Variants in UGT1A10 observed in about 807,000 individuals in gnomAD.
UGT1A10 encodes the protein UDP glucuronosyltransferase family 1 member A10.
In UGT1A10, 49 loss-of-function variants were observed where a neutral mutation model predicts 45.8. The observed-to-expected ratio is 1.07, with a 90% confidence interval of 0.85 to 1.36. UGT1A10 has a LOEUF of 1.36. Among genes scored for constraint, UGT1A10 ranks in the 40% most tolerant of loss-of-function variants. The pLI is 0.00. For missense variants in UGT1A10, 745 were observed against 668.6 expected (o/e 1.11, Z -1.26); for synonymous variants, 284 against 249.7 (o/e 1.14, Z -1.29).
chr2:233,760,044 T>C (rs183598295), intron 1 of UGT1A10, among the ~76,000 whole-genome samples: 36 of 152,234 alleles, frequency 2.4e-4, no homozygotes, highest in East Asian at 9.6e-4. Context: ...CTTTGCTGTG[T>C]TCACTCAAGA....
intron 1 of UGT1A10, among the ~76,000 whole-genome samples, chr2:233,722,679 C>T (rs2125688631): frequency 6.6e-6 from 1 of 152,152 alleles, no homozygotes; most frequent in African/African-American, 2.4e-5. Flanking sequence ...GTAAAAATTG[C>T]TGTTCTTTTC....
chr2:233,648,802 A>C, intron 1 of UGT1A10: 1 of 948,774 alleles, frequency 1.1e-6, no homozygotes, highest in Non-Finnish European at 1.6e-6. Context: ...AAGGAACCAC[A>C]TCTTCTACTT....
intron 1 of UGT1A10, among the ~76,000 whole-genome samples, chr2:233,725,890 G>A (rs2077482116): frequency 6.6e-6 from 1 of 152,164 alleles, no homozygotes; most frequent in Admixed American, 6.5e-5. Context: ...TTTGTAGGCA[G>A]GTGGGTGGCT....
intron 1 of UGT1A10, among the ~76,000 whole-genome samples, chr2:233,765,711 T>TTAATAA (rs10664358): frequency 0.086 from 12,799 of 149,198 alleles, 827 homozygotes; most frequent in East Asian, 0.2. Flanking sequence ...ATAATAATAA[T>TTAATAA]TAATAATAAT....
chr2:233,743,059 A>T (rs1424842143), intron 1 of UGT1A10: 1 of 324,044 alleles, frequency 3.1e-6, no homozygotes, highest in Non-Finnish European at 6.0e-6. Context: ...CCCAACGATA[A>T]GAACAGGTGT....
At chr2:233,718,857 G>A (rs1210101221) in intron 1 of UGT1A10, 8 of 1,613,658 alleles carry the variant, frequency 5.0e-6, no homozygotes, top group Non-Finnish European at 6.8e-6. Flanking sequence ...GCCGCGGCTG[G>A]CCACAGGACT....
chr2:233,687,881 C>A (rs934476271), intron 1 of UGT1A10, among the ~76,000 whole-genome samples: 2 of 152,110 alleles, frequency 1.3e-5, no homozygotes, highest in African/African-American at 2.4e-5. Context: ...CCACTCCAGC[C>A]TGGGTGATAG....
chr2:233,699,544 A>C (rs1031382585), intron 1 of UGT1A10, among the ~76,000 whole-genome samples: 9 of 152,228 alleles, frequency 5.9e-5, no homozygotes, highest in Non-Finnish European at 1.2e-4. Context: ...TTCACATCAT[A>C]GAGCCAGGTC....
At chr2:233,713,021 G>C (rs201536382) in intron 1 of UGT1A10, 1 of 1,613,716 alleles carries the variant, frequency 6.2e-7, no homozygotes, top group Non-Finnish European at 8.5e-7. Flanking sequence ...TTCCCCTGCC[G>C]CAGCTGGCCA....
At position 233,636,719 on chromosome 2, in the gene UGT1A10, T is replaced by A; in HGVS notation, c.197T>A (p.Leu66Gln). ...VVVMPEVSWQ[L>Q]ERSLNCTVKT... ...GTCATGCCAGAGGTGAGTTGGCAAC[T>A]GGAAAGATCACTGAATTGCACAGTG... is the stretch of plus-strand genomic sequence containing the variant. The change falls in exon 1 of 5, where the codon CTG becomes CAG. Residue 66 changes from leucine (L) to glutamine (Q), a missense_variant. Physicochemically the swap from Leu to Gln is moderately radical, Grantham distance 113. Transcript: ENST00000344644. 6.2e-7 allele frequency: 1 copy of A among 1,614,170 alleles called. No homozygotes were observed. The highest frequency in any genetic ancestry group is 1.7e-4 in the Middle Eastern group (1 of 6,060).
intron 1 of UGT1A10, chr2:233,690,657 C>G: frequency 7.8e-7 from 1 of 1,280,662 alleles, no homozygotes; most frequent in East Asian, 5.6e-5. Context: ...TCCTACAGCA[C>G]CAACCAGGGC....
Position 233,681,974 on chromosome 2 carries a change from T to C in UGT1A10, c.855+44597T>C, listed in dbSNP as rs1348746659. 13 of 1,614,168 alleles carry C rather than the reference T, an allele frequency of 8.1e-6. No individual in the cohort carries two copies. The East Asian group carries it at 1.6e-4, about 19-fold the overall frequency. On this transcript the variant is annotated intron_variant, in intron 1 of 4. Transcript: ENST00000344644. The stretch of plus-strand genomic sequence containing the variant: ...AGGGTGGACTGGCCTCCTTCCCCTA[T>C]ATGTGTGTCTACTGCTGACCTGTGG...
chr2:233,706,693 T>C (rs1230207600), intron 1 of UGT1A10, among the ~76,000 whole-genome samples: 1 of 152,202 alleles, frequency 6.6e-6, no homozygotes, highest in Non-Finnish European at 1.5e-5. Context: ...CTCCTTCTTG[T>C]CACTGAAAAG....
At chr2:233,757,553 T>TATATATATATATATACATATAC (rs1164104376) in intron 1 of UGT1A10, among the ~76,000 whole-genome samples, 4 of 136,130 alleles carry the variant, frequency 2.9e-5, no homozygotes, top group Admixed American at 7.1e-5. Context: ...TATATATATA[T>TATATATATATATATACATATAC]ATATATATGT....
At chr2:233,768,164 C>A in intron 3 of UGT1A10, 56 bp from the exon 4 acceptor site, 1 of 1,613,412 alleles carries the variant, frequency 6.2e-7, no homozygotes, top group South Asian at 1.1e-5. Context: ...CTAGATGTGT[C>A]CAGCTGTGAA....
intron 1 of UGT1A10, among the ~76,000 whole-genome samples, chr2:233,652,942 A>G (rs986188019): frequency 1.1e-4 from 17 of 152,216 alleles, no homozygotes; most frequent in African/African-American, 4.1e-4. Flanking sequence ...TGTGTATGAG[A>G]AACAACAACA....
chr2:233,688,919 A>C (rs926541519), intron 1 of UGT1A10, among the ~76,000 whole-genome samples: 4 of 152,204 alleles, frequency 2.6e-5, no homozygotes, highest in Non-Finnish European at 4.4e-5. Context: ...TGTGCCAAGC[A>C]GGGAAGATGG....
Position 233,737,223 on chromosome 2 carries a change from T to G in UGT1A10, c.856-29811T>G, listed in dbSNP as rs929456568. ...GCGGTGGACTCTGTTCAGTTCCAGC[T>G]TCCTGGATGCTTTGTTTACCTACTC... On this transcript the variant is annotated intron_variant, in intron 1 of 4. Transcript: ENST00000344644. Among the ~76,000 whole-genome samples, 4 of 152,236 alleles carry G rather than the reference T, an allele frequency of 2.6e-5. No homozygotes were observed. In the East Asian group the frequency reaches 7.7e-4, roughly 29 times the overall value.
intron 1 of UGT1A10, among the ~76,000 whole-genome samples, chr2:233,701,860 T>C (rs2075656379): frequency 6.6e-6 from 1 of 151,980 alleles, no homozygotes; most frequent in Admixed American, 6.5e-5. Context: ...TAGAGGGAAA[T>C]TTATAGCACT....
Sources: gnomAD v4.1 joint callset for allele counts (sites outside exome capture counted in the v4.1 genomes callset) on GRCh38, gnomAD v4.1.1 for gene constraint, MANE v1.5 for transcripts, NCBI Gene and HGNC (gene_info 2026-07-23, HGNC 2026-07-21) for gene names.